The following LSAMP variants were observed in gnomAD, a reference collection of about 807,000 sequenced individuals.
The protein encoded by LSAMP is limbic system associated membrane protein, also known as limbic system-associated membrane protein.
A neutral mutation model predicts 38.6 loss-of-function variants in LSAMP; 7 were observed. The observed-to-expected ratio is 0.18, with a 90% CI of 0.10 to 0.34. The LOEUF (loss-of-function observed/expected upper bound fraction) is 0.34, where lower values mean the gene tolerates loss of function less well. LSAMP is among the 10% of genes least tolerant of loss of function. LSAMP has a pLI of 1.00. For missense variants in LSAMP, 313 were observed against 420.0 expected (o/e 0.75, Z 2.23); for synonymous variants, 154 against 166.8 (o/e 0.92, Z 0.59).
intron 3 of LSAMP, among the ~76,000 whole-genome samples, chr3:115,859,003 A>T (rs540668923): frequency 6.6e-6 from 1 of 152,242 alleles, no homozygotes; most frequent in Non-Finnish European, 1.5e-5. Context: ...CGTTCTACAC[A>T]AAAATGCTAA....
At chr3:115,828,544 G>A (rs751164830) in intron 6 of LSAMP, among the ~76,000 whole-genome samples, 7 of 152,156 alleles carry the variant, frequency 4.6e-5, no homozygotes, top group South Asian at 2.1e-4. Flanking sequence ...CAGTGCTGCC[G>A]TGCACTCTAA....
chr3:115,895,106 C>T (rs1464595400), intron 3 of LSAMP, among the ~76,000 whole-genome samples: 3 of 152,066 alleles, frequency 2.0e-5, no homozygotes, highest in African/African-American at 7.2e-5. Flanking sequence ...TGCTTCCCTC[C>T]CATTGACAAT....
At chr3:116,276,674 TAAAAAAAAAGAAAA>T (rs2047056787) in intron 1 of LSAMP, among the ~76,000 whole-genome samples, 1 of 81,986 alleles carries the variant, frequency 1.2e-5, no homozygotes, top group South Asian at 4.4e-4. Flanking sequence ...TATGGAAAAA[TAAAAAAAAAGAAAA>T]AAAAAAAAAG....
intron 1 of LSAMP, among the ~76,000 whole-genome samples, chr3:116,244,595 AGC>A (rs1233273989): frequency 1.3e-5 from 2 of 152,196 alleles, no homozygotes; most frequent in Non-Finnish European, 2.9e-5. Context: ...ATCTTCAAAC[AGC>A]TGCCCAGGGA....
intron 3 of LSAMP, among the ~76,000 whole-genome samples, chr3:115,935,499 G>C (rs1242176903): frequency 6.6e-6 from 1 of 152,178 alleles, no homozygotes; most frequent in East Asian, 1.9e-4. Context: ...CCAGCAGAAT[G>C]GAAGTCCACT....
At chr3:116,235,222 G>A (rs185888767) in intron 1 of LSAMP, among the ~76,000 whole-genome samples, 43 of 151,674 alleles carry the variant, frequency 2.8e-4, no homozygotes, top group Non-Finnish European at 5.4e-4. Flanking sequence ...TCAAGTGATC[G>A]TCACACCTCA....
Position 115,862,677 on chromosome 3 carries a change from A to G in LSAMP, c.515-10060T>C, listed in dbSNP as rs573069403. On this transcript the variant is annotated intron_variant, in intron 3 of 6. Coordinates refer to ENST00000490035, the MANE Select transcript of LSAMP (RefSeq NM_002338.5). Reference sequence around the variant, plus strand: ...TTCTTGGAATGTTTCCATTCAACATAAGGTGGGTAGCTCAGGGGTCAAAAC... The same window carrying G: ...TTCTTGGAATGTTTCCATTCAACATGAGGTGGGTAGCTCAGGGGTCAAAAC... Among the ~76,000 whole-genome samples the G allele has an allele frequency of 3.9e-5, 6 of 152,332 alleles. No individual in the cohort carries two copies. In the South Asian group the frequency reaches 6.2e-4, roughly 16 times the overall value.
chr3:115,988,863 T>G (rs1939586867), intron 3 of LSAMP, among the ~76,000 whole-genome samples: 1 of 152,128 alleles, frequency 6.6e-6, no homozygotes, highest in African/African-American at 2.4e-5. Context: ...TATTTTGTTC[T>G]CTTTCCCATA....
intron 3 of LSAMP, among the ~76,000 whole-genome samples, chr3:115,893,401 G>A (rs893153233): frequency 6.6e-6 from 1 of 152,000 alleles, no homozygotes; most frequent in African/African-American, 2.4e-5. Context: ...ATTTAAGAGT[G>A]ATCAGCACAA....
intron 1 of LSAMP, among the ~76,000 whole-genome samples, chr3:116,248,208 G>A (rs1205742518): frequency 2.6e-5 from 4 of 152,170 alleles, no homozygotes; most frequent in African/African-American, 9.7e-5. Context: ...GCAGGGAAGG[G>A]CCATCCTTCT....
chr3:116,310,058 C>G (rs1317984718), intron 1 of LSAMP, among the ~76,000 whole-genome samples: 1 of 152,114 alleles, frequency 6.6e-6, no homozygotes, highest in Non-Finnish European at 1.5e-5. Flanking sequence ...AACTCTCAGT[C>G]CAACACACAT....
chr3:116,054,674 A>G (rs1941456935), intron 2 of LSAMP, among the ~76,000 whole-genome samples: 1 of 152,238 alleles, frequency 6.6e-6, no homozygotes, highest in African/African-American at 2.4e-5. Context: ...ACAAATGATT[A>G]CATGCACTAA....
intron 1 of LSAMP, among the ~76,000 whole-genome samples, chr3:116,314,379 A>G (rs2047600946): frequency 2.0e-5 from 3 of 152,236 alleles, no homozygotes; most frequent in Admixed American, 2.0e-4. Flanking sequence ...AAAAGATTTC[A>G]AGAAACTCCT....
intron 1 of LSAMP, among the ~76,000 whole-genome samples, chr3:116,246,154 C>T (rs1397240538): frequency 5.3e-5 from 8 of 152,192 alleles, no homozygotes; most frequent in South Asian, 2.1e-4. Flanking sequence ...AAACAAAAGT[C>T]GATGCTCCCT....
chr3:116,087,408 A>T (rs1006168713), intron 1 of LSAMP, among the ~76,000 whole-genome samples: 4 of 152,200 alleles, frequency 2.6e-5, no homozygotes, highest in African/African-American at 9.7e-5. Flanking sequence ...GGAGGGGTAA[A>T]TACTTTTTGG....
intron 1 of LSAMP, among the ~76,000 whole-genome samples, chr3:116,305,852 C>T (rs970360077): frequency 6.6e-6 from 1 of 151,712 alleles, no homozygotes; most frequent in Non-Finnish European, 1.5e-5. Context: ...AGAAACTTCT[C>T]TCATTCCCCA....
In LSAMP at chr3:115,861,439, G is replaced by A. The variant is rs151119369; in HGVS notation, c.515-8822C>T. ...TTGTGATCAACCTTGTTTAACTGACGGTGGCTGCCTGGGGAATGATGTTGA... is the reference window on the plus strand; with the variant it reads ...TTGTGATCAACCTTGTTTAACTGACAGTGGCTGCCTGGGGAATGATGTTGA... On this transcript the variant is annotated intron_variant, in intron 3 of 6. Transcript: ENST00000490035. 2.7e-3 allele frequency among the ~76,000 whole-genome samples: 405 copies of A among 152,020 alleles called. 6 individuals carry two copies. Among genetic ancestry groups the A allele is most frequent in the African/African-American group, 9.1e-3 (378 of 41,456 alleles).
At chr3:116,273,432 A>G (rs182871723) in intron 1 of LSAMP, among the ~76,000 whole-genome samples, 21 of 151,970 alleles carry the variant, frequency 1.4e-4, no homozygotes, top group Non-Finnish European at 1.5e-5. Context: ...ACATCAATCA[A>G]TTCAAAAATT....
chr3:115,921,216 A>G (rs1436763730), intron 3 of LSAMP, among the ~76,000 whole-genome samples: 1 of 152,078 alleles, frequency 6.6e-6, no homozygotes, highest in Non-Finnish European at 1.5e-5. Context: ...ATTGATAATG[A>G]ACTATCACCA....
Sources: allele counts gnomAD v4.1 joint callset (sites outside exome capture counted in the v4.1 genomes callset), GRCh38; gene constraint gnomAD v4.1.1; transcripts MANE v1.5; gene names NCBI Gene and HGNC (gene_info 2026-07-23, HGNC 2026-07-21).